Variants in KRR1 observed in about 807,000 individuals in gnomAD.
KRR1 encodes the protein KRR1 small subunit processome component.
A neutral mutation model predicts 50.0 loss-of-function variants in KRR1; 23 were observed. That is an observed-to-expected ratio of 0.46 (90% CI 0.33 to 0.65). The LOEUF (loss-of-function observed/expected upper bound fraction) is 0.65. Ranked by LOEUF, KRR1 falls within the 30% of genes least tolerant of loss-of-function variation. KRR1 has a pLI of 0.02. For synonymous variants in KRR1, 133 were observed against 146.3 expected (o/e 0.91, Z 0.66); for missense variants, 419 against 442.4 (o/e 0.95, Z 0.47).
rs778927301 is a variant in KRR1 at position 75,495,679 on chromosome 12, A to G, written c.*4130T>C. On this transcript the variant is annotated 3_prime_UTR_variant, in exon 10 of 10. Transcript: ENST00000229214. ...ATCTCTGTGGTGAGTAAAAGGAACA[A>G]TACACCAATAGAATAACATAATAGT... The G allele has an allele frequency of 1.7e-5, 23 of 1,358,842 alleles. 1 individual carries two copies. The South Asian group carries it at 2.4e-4, about 14-fold the overall frequency. 84.2% of individuals were successfully genotyped at this position (1,358,842 alleles called of 1,614,324 possible).
In KRR1 at chr12:75,499,943, C is replaced by T; in HGVS notation, c.1012G>A (p.Glu338Lys). 6.3e-7 allele frequency: 1 copy of T among 1,599,220 alleles called. No individual in the cohort carries two copies. The highest frequency in any genetic ancestry group is 1.1e-5 in the South Asian group (1 of 87,864). Residue 338 changes from glutamate to lysine, a missense_variant, in exon 10 of 10, where the codon GAA becomes AAA. Transcript: ENST00000229214. ...ATGCTGGCCACATCAATTTTAGTTT[C>T]AGTAGAAGCTAGACAAATTAAAAGC... The part of the protein sequence containing the change: ...PIVKPKEAST[E>K]TKIDVASIKE...
rs371580619 is a variant in KRR1 at position 75,508,283 on chromosome 12, T to G, written c.249A>C (p.Leu83Phe). 6.2e-7 allele frequency: 1 copy of G among 1,608,204 alleles called. No individual in the cohort carries two copies. ...KECWPLVQKA[L>F]NEHHVNATLD... ...TATAAGATACACATACATGTTCATT[T>G]AAGGCTTTCTGCACCAATGGCCAAC... is the stretch of plus-strand genomic sequence containing the variant. Residue 83 changes from leucine (L) to phenylalanine (F), a missense_variant, in exon 2 of 10, where the codon TTA becomes TTC. Transcript: ENST00000229214.
rs769934831 is a variant in KRR1, at chr12:75,511,590, G to A, written c.8C>T (p.Ser3Phe). Residue 3 changes from serine to phenylalanine, a missense_variant, in exon 1 of 10, where the codon TCT (serine) becomes TTT (phenylalanine). Physicochemically the swap from Ser to Phe is radical, Grantham distance 155 (BLOSUM62 -2). Coordinates refer to ENST00000229214, the MANE Select transcript of KRR1 (RefSeq NM_007043.7). ...TTTTTCTGGCCGCTCCAGCGAGGGA[G>A]ACGCCATTTGCAAGCTGCTTCCGGT... MA[S>F]PSLERPEKGA... 1 of 1,614,046 alleles carries A rather than the reference G, an allele frequency of 6.2e-7. No individual in the cohort carries two copies. The highest frequency in any genetic ancestry group is 8.5e-7 in the Non-Finnish European group (1 of 1,179,924).
Position 75,499,897 on chromosome 12 carries a change from G to GCTTTCT in KRR1, c.1052_1057dup (p.Lys352_Ala353insGluLys). Reference sequence around the variant, plus strand: ...AAGAGCTCCCAGTTTCTTATTCTTTGCTTTCTTAACCTTTTCCTTGATGCT... The same window carrying GCTTTCT: ...AAGAGCTCCCAGTTTCTTATTCTTTGCTTTCTCTTTCTTAACCTTTTCCTTGATGCT... On this transcript the variant is annotated inframe_insertion, in exon 10 of 10. Transcript: ENST00000229214. 1.2e-6 allele frequency: 2 copies of GCTTTCT among 1,607,668 alleles called. No individual in the cohort carries two copies. The highest frequency in any genetic ancestry group is 1.7e-6 in the Non-Finnish European group (2 of 1,177,104).
rs2046431548 is a variant in KRR1 at position 75,508,254 on chromosome 12, TTGATA to T, written c.258+15_258+19del. 1.3e-6 allele frequency: 2 copies of T among 1,553,290 alleles called. No homozygotes were observed. The highest frequency in any genetic ancestry group is 1.2e-5 in the South Asian group (1 of 83,164). On this transcript the variant is annotated intron_variant, in intron 2 of 9. Transcript: ENST00000229214. ...AAGAGCAAAGTCTCAAATAAATGTA[TTGATA>T]TAAGATACACATACATGTTCATTTA...
In KRR1 at chr12:75,493,127, A is replaced by G. The variant is rs189999940; in HGVS notation, c.*6682T>C. ...GGGGGAGGAAGGCAGTTGCAGATCT[A>G]GCGGGAACTTTTAGATCATGACAAA... On this transcript the variant is annotated 3_prime_UTR_variant, in exon 10 of 10. Transcript: ENST00000229214. 5 of 152,306 alleles carry G rather than the reference A, an allele frequency of 3.3e-5. No individual in the cohort carries two copies. Among genetic ancestry groups the G allele is most frequent in the Non-Finnish European group, 5.9e-5 (4 of 68,032 alleles). 9.4% of individuals were successfully genotyped at this position (152,306 alleles called of 1,614,324 possible).
In KRR1 at chr12:75,506,501, T is replaced by C. The variant is rs1334373011; in HGVS notation, c.502A>G (p.Lys168Glu). Residue 168 changes from lysine (K) to glutamate (E), a missense_variant, in exon 4 of 10, where the codon AAA becomes GAA. Lys to Glu is a moderately conservative substitution (Grantham distance 56). Transcript: ENST00000229214. ...VKRRQRLIGP[K>E]GSTLKALELL... ...AAAAATACCTTCAATGTAGATCCTT[T>C]GGGACCAATAAGCCGTTGTCTTCGT... The C allele has an allele frequency of 2.5e-6, 4 of 1,610,880 alleles. No homozygotes were observed. The highest frequency in any genetic ancestry group is 3.4e-6 in the Non-Finnish European group (4 of 1,178,914).
In KRR1 at chr12:75,496,930, C is replaced by T. The variant is rs1334213822; in HGVS notation, c.*2879G>A. 1 of 152,146 alleles carries T rather than the reference C, an allele frequency of 6.6e-6. No homozygotes were observed. The highest frequency in any genetic ancestry group is 1.9e-4 in the East Asian group (1 of 5,192). 9.4% of individuals were successfully genotyped at this position (152,146 alleles called of 1,614,324 possible). On this transcript the variant is annotated 3_prime_UTR_variant, in exon 10 of 10. Transcript: ENST00000229214. ...CCCAGTCCAATCATTCTTTATTTCA[C>T]TTATATCACTCTTGTGAAGAAAAGT...
chr12:75,506,525 G>A lies in KRR1; in HGVS notation c.478C>T (p.Arg160Ter), dbSNP rs1006843823. 4 of 1,572,238 alleles carry A rather than the reference G, an allele frequency of 2.5e-6. No individual in the cohort carries two copies. Among genetic ancestry groups the A allele is most frequent in the South Asian group, 2.2e-5 (2 of 89,900 alleles). The change falls in exon 4 of 10, where the codon CGA (arginine) becomes TGA (stop). Residue 160 changes from arginine to a stop codon, truncating the protein, a stop_gained. Transcript: ENST00000229214. LOFTEE classifies it high-confidence loss of function. The part of the protein sequence containing the change: ...LVRNKERFVK[R>*]RQRLIGPKGS... ...TTGGGACCAATAAGCCGTTGTCTTC[G>A]TTTTACAAATCTCTCTTTATTCCTT...
Position 75,498,614 on chromosome 12 carries a change from A to G in KRR1, c.*1195T>C. ...AAAGCAAGTTAATGGTCATAATTAT[A>G]AGACTTAGCTTTTTAAAATAAAACT... On this transcript the variant is annotated 3_prime_UTR_variant, in exon 10 of 10. Coordinates refer to ENST00000229214, the MANE Select transcript of KRR1 (RefSeq NM_007043.7). 8.7e-7 allele frequency: 1 copy of G among 1,143,240 alleles called. No individual in the cohort carries two copies. The highest frequency in any genetic ancestry group is 1.3e-6 in the Non-Finnish European group (1 of 762,416). 70.8% of individuals were successfully genotyped at this position (1,143,240 alleles called of 1,614,324 possible). A position where few individuals can be genotyped will look rare whatever the true frequency, so the allele number is the denominator to read the frequency against.
rs1594069290 is a variant in KRR1 at position 75,506,189 on chromosome 12, T to C, written c.603+127A>G. On this transcript the variant is annotated intron_variant, in intron 5 of 9. Coordinates refer to ENST00000229214, the MANE Select transcript of KRR1 (RefSeq NM_007043.7). Reference sequence around the variant, plus strand: ...TTGAATTATATGACATAAAAAGTATTTACTAATGGGAAATCAAAGCACATT... The same window carrying C: ...TTGAATTATATGACATAAAAAGTATCTACTAATGGGAAATCAAAGCACATT... 2.7e-5 allele frequency: 17 copies of C among 619,740 alleles called. No homozygotes were observed. In the East Asian group the frequency reaches 5.0e-4, roughly 18 times the overall value. 38.4% of individuals were successfully genotyped at this position (619,740 alleles called of 1,614,324 possible).
Position 75,494,498 on chromosome 12 carries a change from T to A in KRR1, c.*5311A>T, listed in dbSNP as rs2046339370. Reference sequence around the variant, plus strand: ...ATTGAAACTAATAGCCCCCGGTAGATCTTAATAGAGAAGCACATATTACTT... The same window carrying A: ...ATTGAAACTAATAGCCCCCGGTAGAACTTAATAGAGAAGCACATATTACTT... On this transcript the variant is annotated 3_prime_UTR_variant, in exon 10 of 10. Transcript: ENST00000229214. 6.6e-6 allele frequency: 1 copy of A among 152,172 alleles called. No individual in the cohort carries two copies. Among genetic ancestry groups the A allele is most frequent in the Non-Finnish European group, 1.5e-5 (1 of 68,034 alleles). The allele number at this position is 152,172 out of a possible 1,614,324, so 9.4% of individuals were successfully genotyped here. A position where few individuals can be genotyped will look rare whatever the true frequency, so the allele number is the denominator to read the frequency against.
At chr12:75,511,411 T>C in intron 1 of KRR1, 102 bp downstream of exon 1, 1 of 1,040,648 alleles carries the variant, frequency 9.6e-7, no homozygotes. Flanking sequence ...AACTACACAG[T>C]ACAGGCTCCA....
rs2046368484 is a variant in KRR1, at chr12:75,498,754, A to G, written c.*1055T>C. On this transcript the variant is annotated 3_prime_UTR_variant, in exon 10 of 10. Transcript: ENST00000229214. The stretch of plus-strand genomic sequence containing the variant: ...ATCAATCTTAAATTGTTTCATTAAG[A>G]GCTATGTGAATTCTGTCAGTGCATT... 2 of 1,608,826 alleles carry G rather than the reference A, an allele frequency of 1.2e-6. No homozygotes were observed. Among genetic ancestry groups the G allele is most frequent in the Non-Finnish European group, 1.7e-6 (2 of 1,175,860 alleles).
At chr12:75,500,915 T>C (rs1239015895) in intron 9 of KRR1, 2 of 152,108 alleles carry the variant, frequency 1.3e-5, no homozygotes, top group Admixed American at 6.6e-5. Context: ...ATAATACTTA[T>C]GACATTTCTA....
At chr12:75,506,292 T>A (rs1451910576) in intron 5 of KRR1, 24 bp downstream of exon 5, 1 of 1,407,926 alleles carries the variant, frequency 7.1e-7, no homozygotes. Flanking sequence ...TGAAAATGAA[T>A]CGAAGATAAT....
chr12:75,495,795 C>A lies in KRR1; in HGVS notation c.*4014G>T. 1.8e-6 allele frequency: 1 copy of A among 570,402 alleles called. No individual in the cohort carries two copies. Among genetic ancestry groups the A allele is most frequent in the South Asian group, 2.5e-5 (1 of 40,082 alleles). 35.3% of individuals were successfully genotyped at this position (570,402 alleles called of 1,614,324 possible). On this transcript the variant is annotated 3_prime_UTR_variant, in exon 10 of 10. Coordinates refer to ENST00000229214, the MANE Select transcript of KRR1 (RefSeq NM_007043.7). ...AACTGGCATCAAGTAGCAATTAAACCAATGGCTTACTGTTCTAGGAATACA... is the reference window on the plus strand; with the variant it reads ...AACTGGCATCAAGTAGCAATTAAACAAATGGCTTACTGTTCTAGGAATACA...
rs2046345308 is a variant in KRR1, at chr12:75,495,578, G to C, written c.*4231C>G. The stretch of plus-strand genomic sequence containing the variant: ...GGACATCCTTCTTCTGCTTTACAGA[G>C]GGAATTACCCAACTTGGCCATATAA... On this transcript the variant is annotated 3_prime_UTR_variant, in exon 10 of 10. Coordinates refer to ENST00000229214, the MANE Select transcript of KRR1 (RefSeq NM_007043.7). 6.3e-7 allele frequency: 1 copy of C among 1,585,636 alleles called. No individual in the cohort carries two copies. The highest frequency in any genetic ancestry group is 1.1e-5 in the South Asian group (1 of 90,480).
chr12:75,503,955 T>A lies in KRR1; in HGVS notation c.780A>T (p.Lys260Asn), dbSNP rs773976000. The change falls in exon 7 of 10, where the codon AAA becomes AAT. Residue 260 changes from lysine to asparagine, a missense_variant. Lys to Asn is a moderately conservative substitution (Grantham distance 94). Transcript: ENST00000229214. The part of the protein sequence containing the change: ...NVNKRKEPKK[K>N]TVKKEYTPFP... ...ATGGCGTATATTCTTTCTTAACAGT[T>A]TTTTTCTTTGGTTCCTTGCGTTTAT... 32 of 1,611,976 alleles carry A rather than the reference T, an allele frequency of 2.0e-5. No homozygotes were observed. The highest frequency in any genetic ancestry group is 2.4e-5 in the Non-Finnish European group (28 of 1,178,606).
Sources: allele counts gnomAD v4.1 joint callset, GRCh38; gene constraint gnomAD v4.1.1; transcripts MANE v1.5; gene names NCBI Gene and HGNC (gene_info 2026-07-23, HGNC 2026-07-21).